The following MYO9A variants were observed in gnomAD, a reference collection of about 807,000 sequenced individuals.
MYO9A encodes the protein myosin IXA.
A neutral mutation model predicts 293.3 loss-of-function variants in MYO9A; 103 were observed. The ratio of observed to expected loss-of-function variants is 0.35; its 90% confidence interval spans 0.30 to 0.41. MYO9A has a LOEUF of 0.41. Among genes scored for constraint, MYO9A ranks in the 10% least tolerant of loss-of-function variants. MYO9A has a pLI of 1.00. For missense variants in MYO9A, 2,685 were observed against 3,033.0 expected (o/e 0.89, Z 2.69); for synonymous variants, 1,001 against 1,035.7 (o/e 0.97, Z 0.64).
At chr15:72,075,273 C>A (rs1005687525) in intron 1 of MYO9A, among the ~76,000 whole-genome samples, 1 of 151,838 alleles carries the variant, frequency 6.6e-6, no homozygotes, top group African/African-American at 2.4e-5. Flanking sequence ...GCCTTCACTG[C>A]TCTTTTTACA....
intron 19 of MYO9A, among the ~76,000 whole-genome samples, chr15:71,905,295 C>A (rs1361218920): frequency 6.6e-6 from 1 of 152,100 alleles, no homozygotes; most frequent in Non-Finnish European, 1.5e-5. Context: ...CACATTTCAT[C>A]AAACAATTTT....
chr15:71,966,795 G>GT (rs2075889126), intron 13 of MYO9A, among the ~76,000 whole-genome samples: 1 of 152,116 alleles, frequency 6.6e-6, no homozygotes, highest in Middle Eastern at 3.2e-3. Flanking sequence ...TTCTCCTCAA[G>GT]GTAATCAATG....
At chr15:71,904,873 G>T in intron 20 of MYO9A, 53 bp downstream of exon 20, 2 of 1,320,194 alleles carry the variant, frequency 1.5e-6, no homozygotes, top group South Asian at 1.4e-5. Context: ...AGTATTTAAA[G>T]CTCAGTTTGA....
chr15:71,856,177 G>A (rs1248908911), intron 34 of MYO9A, among the ~76,000 whole-genome samples: 1 of 152,044 alleles, frequency 6.6e-6, no homozygotes, highest in African/African-American at 2.4e-5. Context: ...CAGGCATAGT[G>A]GTGGGCACCT....
At position 71,903,027 on chromosome 15, in the gene MYO9A, T is replaced by G; in HGVS notation, c.2914A>C (p.Asn972His). 1.3e-6 allele frequency: 2 copies of G among 1,592,730 alleles called. No individual in the cohort carries two copies. Among genetic ancestry groups the G allele is most frequent in the Non-Finnish European group, 1.7e-6 (2 of 1,165,576 alleles). Residue 972 changes from asparagine to histidine, a missense_variant, in exon 22 of 42, where the codon AAT becomes CAT. Physicochemically the swap from Asn to His is moderately conservative, Grantham distance 68. Coordinates refer to ENST00000356056, the MANE Select transcript of MYO9A (RefSeq NM_006901.4). ...VSHFHVLLPRNIIPSKFNIQD... is the reference protein window; with the variant it reads ...VSHFHVLLPRHIIPSKFNIQD... ...ATGTTAAATTTGGATGGAATAATAT[T>G]TCGGGGAAGAAGTACATGGAAGTGG...
chr15:71,951,721 G>A lies in MYO9A; in HGVS notation c.2302+56C>T, dbSNP rs181895403. 971 of 1,608,164 alleles carry A rather than the reference G, an allele frequency of 6.0e-4. 6 individuals are homozygous for A. In the African/African-American group the frequency reaches 0.011, roughly 18 times the overall value. ...TCCCACCCTGGTGTAGGATGCTCCT[G>A]GTTTCCATTTCCAAATGGATATGTG... On this transcript the variant is annotated intron_variant, in intron 15 of 41. Transcript: ENST00000356056.
intron 2 of MYO9A, among the ~76,000 whole-genome samples, chr15:72,042,231 G>A (rs1486613946): frequency 6.6e-6 from 1 of 150,842 alleles, no homozygotes; most frequent in Non-Finnish European, 1.5e-5. Flanking sequence ...TAGGCATGAT[G>A]GTGCATGCCT....
chr15:71,938,730 C>A, intron 16 of MYO9A, 122 bp downstream of exon 16: 5 of 789,926 alleles, frequency 6.3e-6, no homozygotes, highest in Non-Finnish European at 9.6e-6. Context: ...ATAAAGGATT[C>A]AAGAAATAAA....
At chr15:72,103,683 A>C (rs1443883344) in intron 1 of MYO9A, among the ~76,000 whole-genome samples, 1 of 152,258 alleles carries the variant, frequency 6.6e-6, no homozygotes, top group Non-Finnish European at 1.5e-5. Flanking sequence ...GAAGCAGAAG[A>C]ATTTCACAAA....
At chr15:71,997,721 A>G (rs1302241286) in intron 9 of MYO9A, among the ~76,000 whole-genome samples, 1 of 152,174 alleles carries the variant, frequency 6.6e-6, no homozygotes, top group Non-Finnish European at 1.5e-5. Context: ...ATTTGTAATG[A>G]AAAAGGTGGT....
In MYO9A at chr15:71,878,071, T is replaced by C. The variant is rs775198164; in HGVS notation, c.5900A>G (p.Glu1967Gly). ...GGCTGTGCAATCTGAAGTCTTGAAT[T>C]CATTCATATATTCATCTAAAAACAC... ...FKVFLDEYMN[E>G]FKTSDCTATK... The change falls in exon 31 of 42, where the codon GAA becomes GGA. Residue 1967 changes from glutamate to glycine, a missense_variant. Glu to Gly is a moderately conservative substitution (Grantham distance 98). Transcript: ENST00000356056. 2.9e-5 allele frequency: 46 copies of C among 1,606,650 alleles called. No homozygotes were observed. Among genetic ancestry groups the C allele is most frequent in the Non-Finnish European group, 3.7e-5 (44 of 1,177,990 alleles).
intron 25 of MYO9A, chr15:71,897,151 T>C: frequency 4.0e-6 from 1 of 249,934 alleles, no homozygotes; most frequent in East Asian, 7.6e-5. Flanking sequence ...TTCACAGCTG[T>C]AAAGCAACCA....
intron 12 of MYO9A, among the ~76,000 whole-genome samples, chr15:71,975,491 T>C (rs1567337218): frequency 6.6e-6 from 1 of 151,742 alleles, no homozygotes; most frequent in Non-Finnish European, 1.5e-5. Flanking sequence ...TCTTTTGTTA[T>C]AATGTTGGGG....
chr15:71,833,585 CAATCTAACAGACATATACAGACTTCAG>C (rs1221398363), intron 39 of MYO9A, among the ~76,000 whole-genome samples: 1 of 152,020 alleles, frequency 6.6e-6, no homozygotes, highest in Admixed American at 6.5e-5. Flanking sequence ...TTGATATAAG[CAATCTAACAGACATATACAGACTTCAG>C]TATCTAACTA....
Position 71,899,898 on chromosome 15 carries a change from C to A in MYO9A, c.3259G>T (p.Ala1087Ser). ...AAGTACCGCTGCCTCTCTAAGTGAG[C>A]ACGCCAGGAAGCTTGGAGAAGAGCA... ...AAALLQASWR[A>S]HLERQRYLEL... Residue 1087 changes from alanine to serine, a missense_variant, in exon 24 of 42, where the codon GCT becomes TCT. Transcript: ENST00000356056. 1 of 1,614,098 alleles carries A rather than the reference C, an allele frequency of 6.2e-7. No individual in the cohort carries two copies. The highest frequency in any genetic ancestry group is 8.5e-7 in the Non-Finnish European group (1 of 1,180,030).
At chr15:71,983,341 C>G (rs1055025040) in intron 11 of MYO9A, among the ~76,000 whole-genome samples, 4 of 151,406 alleles carry the variant, frequency 2.6e-5, no homozygotes, top group Admixed American at 1.3e-4. Flanking sequence ...AATAATATCT[C>G]TGTAACTTAG....
chr15:72,002,608 T>G (rs1180109168), intron 8 of MYO9A, among the ~76,000 whole-genome samples: 1 of 152,136 alleles, frequency 6.6e-6, no homozygotes, highest in Non-Finnish European at 1.5e-5. Flanking sequence ...AAAAGCCAAG[T>G]TTCAGAATAA....
intron 15 of MYO9A, among the ~76,000 whole-genome samples, chr15:71,945,546 T>C (rs2058891939): frequency 6.6e-6 from 1 of 152,170 alleles, no homozygotes; most frequent in African/African-American, 2.4e-5. Flanking sequence ...TTGTAAATCA[T>C]TTTCTTAGTG....
intron 11 of MYO9A, among the ~76,000 whole-genome samples, chr15:71,990,236 T>A (rs1432084607): frequency 6.6e-6 from 1 of 151,554 alleles, no homozygotes; most frequent in Admixed American, 6.6e-5. Flanking sequence ...TGGCATGCAA[T>A]ACCACATCTG....
Sources: gnomAD v4.1 joint callset for allele counts (sites outside exome capture counted in the v4.1 genomes callset) on GRCh38, gnomAD v4.1.1 for gene constraint, MANE v1.5 for transcripts, NCBI Gene and HGNC (gene_info 2026-07-23, HGNC 2026-07-21) for gene names.